Variants in SPINK5 observed in about 807,000 individuals in gnomAD.
SPINK5 encodes serine peptidase inhibitor Kazal type 5.
Under a neutral mutation model 151.8 loss-of-function variants are expected in SPINK5, and 125 were observed. The ratio of observed to expected loss-of-function variants is 0.82; its 90% CI spans 0.71 to 0.96. The LOEUF (loss-of-function observed/expected upper bound fraction) is 0.96. Ranked by LOEUF, SPINK5 falls within the 40% of genes least tolerant of loss-of-function variation. The pLI, the probability that SPINK5 is intolerant of heterozygous loss-of-function variation, is 0.00. For synonymous variants in SPINK5, 374 were observed against 395.3 expected (o/e 0.95, Z 0.64); for missense variants, 1,194 against 1,291.9 (o/e 0.92, Z 1.16).
Position 148,131,328 on chromosome 5 carries a change from C to T in SPINK5, c.3034C>T (p.Pro1012Ser), listed in dbSNP as rs1754566941. 1 of 1,613,934 alleles carries T rather than the reference C, an allele frequency of 6.2e-7. No homozygotes were observed. The highest frequency in any genetic ancestry group is 8.5e-7 in the Non-Finnish European group (1 of 1,179,852). ...IGYLCPKDLK[P>S]VCGDDGQTYN... ...TTATCTTTGTCCAAAGGATTTAAAG[C>T]CTGTCTGTGGTGACGATGGCCAAAC... The change falls in exon 31 of 33, where the codon CCT becomes TCT. Residue 1012 changes from proline (P) to serine (S), a missense_variant. Coordinates refer to ENST00000256084, the MANE Select transcript of SPINK5 (RefSeq NM_006846.4).
At position 148,099,257 on chromosome 5, in the gene SPINK5, A is replaced by G. The variant is rs1461539646; in HGVS notation, c.1034A>G (p.Lys345Arg). 1.9e-6 allele frequency: 3 copies of G among 1,611,596 alleles called. No individual in the cohort carries two copies. In the African/African-American group the frequency reaches 4.0e-5, roughly 22 times the overall value. ...AGCCAAGCAGAAAATGAAGAAAAGAAAAAGGCTGAAGCACGAGCTAGAAAC... is the reference window on the plus strand; with the variant it reads ...AGCCAAGCAGAAAATGAAGAAAAGAGAAAGGCTGAAGCACGAGCTAGAAAC... ...AYFQAENEEK[K>R]KAEARARNKR... is the part of the protein sequence containing the mutation. The change falls in exon 12 of 33, where the codon AAA (lysine) becomes AGA (arginine). Residue 345 changes from lysine to arginine, a missense_variant. Physicochemically the swap from Lys to Arg is conservative, Grantham distance 26. Transcript: ENST00000256084.
At chr5:148,092,451 A>G (rs1753337149) in intron 8 of SPINK5, among the ~76,000 whole-genome samples, 1 of 151,928 alleles carries the variant, frequency 6.6e-6, no homozygotes, top group Non-Finnish European at 1.5e-5. Context: ...TTATTACTTC[A>G]TAAACACAGA....
rs77699488 is a variant in SPINK5 at position 148,104,913 on chromosome 5, A to G, written c.1431-39A>G. The G allele has an allele frequency of 2.0e-6, 3 of 1,533,798 alleles. No homozygotes were observed. In the South Asian group the frequency reaches 3.5e-5, roughly 18 times the overall value. ...TCCGTCTCAAAAAAGAAAAAAAAAA[A>G]TCCATTTCTTCTCTCTTTTTCTTTT... is the stretch of plus-strand genomic sequence containing the variant. On this transcript the variant is annotated intron_variant, in intron 15 of 32. Coordinates refer to ENST00000256084, the MANE Select transcript of SPINK5 (RefSeq NM_006846.4).
At position 148,101,351 on chromosome 5, in the gene SPINK5, T is replaced by A; in HGVS notation, c.1221-4T>A. The stretch of plus-strand genomic sequence containing the variant: ...CTTATCTCTTCTTAACCATCCTTTT[T>A]TAGCCAAGCAGAAGAAGAAGAAAAG... On this transcript the variant is annotated splice_region_variant and splice_polypyrimidine_tract_variant and intron_variant, in intron 13 of 32. Coordinates refer to ENST00000256084, the MANE Select transcript of SPINK5 (RefSeq NM_006846.4). The A allele has an allele frequency of 6.2e-7, 1 of 1,602,482 alleles. No homozygotes were observed. Among genetic ancestry groups the A allele is most frequent in the Non-Finnish European group, 8.6e-7 (1 of 1,169,586 alleles).
intron 11 of SPINK5, among the ~76,000 whole-genome samples, chr5:148,098,631 CTTAT>C (rs1179893943): frequency 9.3e-5 from 14 of 151,054 alleles, no homozygotes; most frequent in Non-Finnish European, 1.0e-4. Context: ...CAAATTTAGG[CTTAT>C]TTGTTTTATC....
rs1172120241 is a variant in SPINK5 at position 148,127,003 on chromosome 5, G to A, written c.2888G>A (p.Arg963Lys). 1 of 1,613,174 alleles carries A rather than the reference G, an allele frequency of 6.2e-7. No homozygotes were observed. Among genetic ancestry groups the A allele is most frequent in the Non-Finnish European group, 8.5e-7 (1 of 1,179,504 alleles). The change falls in exon 30 of 33, where the codon AGG (arginine) becomes AAG (lysine). Residue 963 changes from arginine to lysine, a missense_variant. Arg to Lys is a conservative substitution (Grantham distance 26). Coordinates refer to ENST00000256084, the MANE Select transcript of SPINK5 (RefSeq NM_006846.4). ...TCTAGTCTAACAGAAGCTTTGGAAA[G>A]GGCAAAGCTTCAAGAAAAGCCATCC... ...RAVFLTEALERAKLQEKPSHV... is the reference protein window; with the variant it reads ...RAVFLTEALEKAKLQEKPSHV...
intron 20 of SPINK5, among the ~76,000 whole-genome samples, 200 bp downstream of exon 20, chr5:148,113,134 CT>C (rs767304917): frequency 2.6e-5 from 4 of 152,156 alleles, no homozygotes; most frequent in African/African-American, 4.8e-5. Flanking sequence ...GTCACAACTA[CT>C]CCACTTGGCT....
At chr5:148,092,524 G>T (rs1056439642) in intron 8 of SPINK5, among the ~76,000 whole-genome samples, 6 of 151,738 alleles carry the variant, frequency 4.0e-5, no homozygotes, top group Non-Finnish European at 8.8e-5. Context: ...TGTGGCTAGG[G>T]TCATTGTTTT....
chr5:148,120,045 G>A lies in SPINK5; in HGVS notation c.2350G>A (p.Gly784Arg). 6.2e-7 allele frequency: 1 copy of A among 1,613,932 alleles called. No homozygotes were observed. The highest frequency in any genetic ancestry group is 2.2e-5 in the East Asian group (1 of 44,862). ...CDEFRSQMKN[G>R]KLICTRESDP... ...TGAGTTTAGAAGCCAAATGAAAAATGGAAAACTCATCTGCACTCGAGAAAG... is the reference window on the plus strand; with the variant it reads ...TGAGTTTAGAAGCCAAATGAAAAATAGAAAACTCATCTGCACTCGAGAAAG... The change falls in exon 25 of 33, where the codon GGA (glycine) becomes AGA (arginine). Residue 784 changes from glycine to arginine, a missense_variant. Transcript: ENST00000256084.
Position 148,064,594 on chromosome 5 carries a change from C to T in SPINK5, c.55+495C>T, listed in dbSNP as rs1269719154. 2.0e-5 allele frequency among the ~76,000 whole-genome samples: 3 copies of T among 152,242 alleles called. No homozygotes were observed. The East Asian group carries it at 5.8e-4, about 29-fold the overall frequency. On this transcript the variant is annotated intron_variant, in intron 1 of 32. Coordinates refer to ENST00000256084, the MANE Select transcript of SPINK5 (RefSeq NM_006846.4). ...TTTCAAATGCTAAATGGGTTGAAAG[C>T]ATTTCTCCCAAAGAGTGAGGGACTT...
chr5:148,072,010 C>A, intron 3 of SPINK5, 138 bp from the exon 4 acceptor site: 1 of 749,460 alleles, frequency 1.3e-6, no homozygotes, highest in Non-Finnish European at 2.4e-6. Context: ...TCTGTGTCCA[C>A]TTCTGAACAT....
At chr5:148,118,598 A>T (rs201328644) in intron 23 of SPINK5, 34 bp downstream of exon 23, 1 of 1,612,574 alleles carries the variant, frequency 6.2e-7, no homozygotes, top group South Asian at 1.1e-5. Context: ...TGTCTAAAAT[A>T]TAGTCACATT....
rs1753986396 is a variant in SPINK5, at chr5:148,113,039, G to A, written c.1887+105G>A. ...GAAACCCCAGTTGTGAGGGAACTAG[G>A]GGTTCATTTAGTCCAGGGGTTGAGA... is the stretch of plus-strand genomic sequence containing the variant. On this transcript the variant is annotated intron_variant, in intron 20 of 32. Transcript: ENST00000256084. 3.9e-6 allele frequency: 6 copies of A among 1,544,134 alleles called. No individual in the cohort carries two copies. The Admixed American group carries it at 1.2e-4, about 30-fold the overall frequency.
In SPINK5 at chr5:148,099,229, T is replaced by G; in HGVS notation, c.1011-5T>G. 6.2e-7 allele frequency: 1 copy of G among 1,607,140 alleles called. No homozygotes were observed. The highest frequency in any genetic ancestry group is 8.5e-7 in the Non-Finnish European group (1 of 1,176,248). ...TGGATCTGCTTCTTTTTCCCTCTTA[T>G]TCAGCCAAGCAGAAAATGAAGAAAA... On this transcript the variant is annotated splice_polypyrimidine_tract_variant and splice_region_variant and intron_variant, in intron 11 of 32. Transcript: ENST00000256084.
intron 26 of SPINK5, among the ~76,000 whole-genome samples, chr5:148,122,698 G>C (rs1754301594): frequency 6.6e-6 from 1 of 152,086 alleles, no homozygotes; most frequent in Non-Finnish European, 1.5e-5. Flanking sequence ...GGTATAACCT[G>C]GTGGTTAGCA....
intron 30 of SPINK5, among the ~76,000 whole-genome samples, chr5:148,127,528 G>A (rs1336838090): frequency 1.3e-5 from 2 of 152,048 alleles, no homozygotes; most frequent in East Asian, 1.9e-4. Flanking sequence ...CCGCCAATTA[G>A]CAATTCGCAG....
chr5:148,104,934 C>A lies in SPINK5; in HGVS notation c.1431-18C>A, dbSNP rs1368319181. 6.2e-7 allele frequency: 1 copy of A among 1,605,150 alleles called. No individual in the cohort carries two copies. The highest frequency in any genetic ancestry group is 8.5e-7 in the Non-Finnish European group (1 of 1,176,150). On this transcript the variant is annotated intron_variant, in intron 15 of 32. Transcript: ENST00000256084. ...AAAAATCCATTTCTTCTCTCTTTTT[C>A]TTTTCGGTTTCTTAAAGTCAACAAG...
Position 148,100,455 on chromosome 5 carries a change from A to T in SPINK5, c.1094A>T (p.Glu365Val). Residue 365 changes from glutamate (E) to valine (V), a missense_variant and splice_region_variant, in exon 13 of 33, where the codon GAG becomes GTG. By Grantham distance (121) the Glu-to-Val change is moderately radical. Transcript: ENST00000256084. Reference protein sequence around the residue: ...RESGKATSYAELCSEYRKLVR... With the variant: ...RESGKATSYAVLCSEYRKLVR... ...AACTTACTTCTTCTATCTCGGCAGG[A>T]GCTTTGCAGTGAATATCGAAAGCTT... 1.2e-6 allele frequency: 2 copies of T among 1,611,366 alleles called. No individual in the cohort carries two copies. The highest frequency in any genetic ancestry group is 1.7e-6 in the Non-Finnish European group (2 of 1,177,942).
intron 30 of SPINK5, among the ~76,000 whole-genome samples, chr5:148,127,806 C>T (rs1049745122): frequency 9.2e-5 from 14 of 152,092 alleles, no homozygotes; most frequent in Non-Finnish European, 1.2e-4. Flanking sequence ...TACCATGAGC[C>T]GTGATAGTGC....
Sources: gnomAD v4.1 joint callset for allele counts (sites outside exome capture counted in the v4.1 genomes callset) on GRCh38, gnomAD v4.1.1 for gene constraint, MANE v1.5 for transcripts, NCBI Gene and HGNC (gene_info 2026-07-23, HGNC 2026-07-21) for gene names.